CUX2: variants seen among roughly 807,000 people sequenced by gnomAD.
CUX2 encodes cut like homeobox 2.
Under a neutral mutation model 144.8 loss-of-function variants are expected in CUX2, and 40 were observed. The ratio of observed to expected loss-of-function variants is 0.28; its 90% CI spans 0.21 to 0.36. The LOEUF is 0.36. Ranked by LOEUF, CUX2 falls within the 10% of genes least tolerant of loss-of-function variation. The pLI, the probability that CUX2 is intolerant of heterozygous loss-of-function variation, is 1.00. For synonymous variants in CUX2, 827 were observed against 875.6 expected, an observed-to-expected ratio of 0.94 and a Z score of 0.98; for missense variants, 1,615 against 1,994.0, an observed-to-expected ratio of 0.81 and a Z score of 3.62.
chr12:111,324,203 A>G (rs1887667591), intron 18 of CUX2, among the ~76,000 whole-genome samples: 1 of 151,926 alleles, frequency 6.6e-6, no homozygotes, highest in African/African-American at 2.4e-5. Flanking sequence ...ACAAAAAATT[A>G]GCTGGAAATG....
At chr12:111,111,039 C>T (rs190395643) in intron 1 of CUX2, among the ~76,000 whole-genome samples, 68 of 152,240 alleles carry the variant, frequency 4.5e-4, no homozygotes, top group Non-Finnish European at 6.9e-4. Context: ...CAGTGGCTGA[C>T]GCCTGTAATC....
chr12:111,114,383 G>A (rs1481950070), intron 1 of CUX2, among the ~76,000 whole-genome samples: 2 of 151,966 alleles, frequency 1.3e-5, no homozygotes, highest in African/African-American at 4.8e-5. Flanking sequence ...TTTGCTGTCC[G>A]CATGTCTGTT....
At chr12:111,054,086 G>A (rs2136014571) in intron 1 of CUX2, among the ~76,000 whole-genome samples, 1 of 152,260 alleles carries the variant, frequency 6.6e-6, no homozygotes, top group Middle Eastern at 3.4e-3. Context: ...CCCAGGAGGT[G>A]GAGGCTGCAA....
chr12:111,097,148 C>T (rs1277044180), intron 1 of CUX2, among the ~76,000 whole-genome samples: 1 of 152,206 alleles, frequency 6.6e-6, no homozygotes, highest in Non-Finnish European at 1.5e-5. Flanking sequence ...TTCCTGTTCC[C>T]TTCTCATGCC....
intron 3 of CUX2, among the ~76,000 whole-genome samples, chr12:111,229,680 T>C (rs1882361202): frequency 1.3e-5 from 2 of 152,044 alleles, no homozygotes; most frequent in African/African-American, 2.4e-5. Context: ...GGTGGAAGGA[T>C]TGTTTGAGCT....
intron 1 of CUX2, among the ~76,000 whole-genome samples, chr12:111,097,116 G>A (rs978416229): frequency 2.0e-5 from 3 of 152,200 alleles, no homozygotes; most frequent in Admixed American, 6.5e-5. Flanking sequence ...CAGCACCCCC[G>A]AAAGTTCTGC....
chr12:111,308,197 G>A (rs1886695060), intron 12 of CUX2, 88 bp from the exon 13 acceptor site: 1 of 1,420,922 alleles, frequency 7.0e-7, no homozygotes, highest in Non-Finnish European at 9.9e-7. Flanking sequence ...CATTGTCAGG[G>A]AGGTAAGCCG....
chr12:111,065,991 G>T (rs191389220), intron 1 of CUX2, among the ~76,000 whole-genome samples: 1 of 152,238 alleles, frequency 6.6e-6, no homozygotes, highest in Non-Finnish European at 1.5e-5. Flanking sequence ...ATTCTCAGGG[G>T]AAGCTACCTT....
chr12:111,257,022 C>T (rs538477247), intron 3 of CUX2, among the ~76,000 whole-genome samples: 94 of 152,120 alleles, frequency 6.2e-4, no homozygotes, highest in Non-Finnish European at 8.2e-4. Flanking sequence ...AGGCTTGACT[C>T]GCCCCTGGCA....
chr12:111,296,358 C>T (rs1005473883), intron 7 of CUX2, 115 bp from the exon 8 acceptor site: 7 of 815,822 alleles, frequency 8.6e-6, no homozygotes, highest in South Asian at 3.4e-5. Context: ...CCTCACTACC[C>T]GAGCTCTCAT....
At chr12:111,100,344 G>A (rs1243369423) in intron 1 of CUX2, among the ~76,000 whole-genome samples, 1 of 152,130 alleles carries the variant, frequency 6.6e-6, no homozygotes, top group Non-Finnish European at 1.5e-5. Context: ...CGCGAGAGCC[G>A]TCCATGCATG....
chr12:111,188,470 G>A (rs770078792), intron 1 of CUX2, among the ~76,000 whole-genome samples: 1 of 152,086 alleles, frequency 6.6e-6, no homozygotes, highest in Admixed American at 6.6e-5. Context: ...CCGAGGGAGA[G>A]GAAGAACAGG....
chr12:111,195,840 T>A (rs1258924791), intron 1 of CUX2, among the ~76,000 whole-genome samples: 1 of 152,206 alleles, frequency 6.6e-6, no homozygotes, highest in African/African-American at 2.4e-5. Flanking sequence ...CCTCATTTCT[T>A]TTTTTTCCAG....
chr12:111,136,363 C>G (rs1875887659), intron 1 of CUX2, among the ~76,000 whole-genome samples: 1 of 151,888 alleles, frequency 6.6e-6, no homozygotes, highest in Non-Finnish European at 1.5e-5. Context: ...GATGGTGGTG[C>G]CTGGGAGAGA....
chr12:111,296,568 C>T (rs775067240), intron 8 of CUX2, 29 bp downstream of exon 8: 2 of 1,595,214 alleles, frequency 1.3e-6, no homozygotes, highest in South Asian at 2.3e-5. Flanking sequence ...GGTGTACCTC[C>T]TCCCTTGGAG....
At chr12:111,092,349 C>T (rs182280071) in intron 1 of CUX2, among the ~76,000 whole-genome samples, 1 of 152,330 alleles carries the variant, frequency 6.6e-6, no homozygotes, top group Non-Finnish European at 1.5e-5. Context: ...GCAGGAGGAG[C>T]AGAGTCTTCT....
chr12:111,347,609 C>T lies in CUX2; in HGVS notation c.3745C>T (p.Pro1249Ser), dbSNP rs1888863262. 5 of 1,613,826 alleles carry T rather than the reference C, an allele frequency of 3.1e-6. 1 individual carries two copies. The East Asian group carries it at 1.1e-4, about 36-fold the overall frequency. The change falls in exon 22 of 22, where the codon CCA (proline) becomes TCA (serine). Residue 1249 changes from proline (P) to serine (S), a missense_variant. Around this residue, in one of 12 missense-constraint regions of CUX2, gnomAD observed 298 missense variants for 330.4 expected, o/e 0.90. Transcript: ENST00000261726. ...DPSGGPGILPPGHSHPDPTPQ... is the reference protein window; with the variant it reads ...DPSGGPGILPSGHSHPDPTPQ... ...AAGCGGGGGTCCTGGAATCCTACCG[C>T]CAGGCCACTCCCACCCAGACCCCAC...
At position 111,186,091 on chromosome 12, in the gene CUX2, G is replaced by GC. The variant is rs148888598; in HGVS notation, c.64-28104dup. Among the ~76,000 whole-genome samples, 667 of 148,002 alleles carry GC rather than the reference G, an allele frequency of 4.5e-3. 4 individuals carry two copies. Among genetic ancestry groups the GC allele is most frequent in the African/African-American group, 0.016 (647 of 39,918 alleles). On this transcript the variant is annotated intron_variant, in intron 1 of 21. Transcript: ENST00000261726. The surrounding 1 kb of genome is among the most constrained non-coding windows in gnomAD (Gnocchi z 4.4). ...TCCTCCTGCCCTCTGTTCTGCCCTC[G>GC]CCCCCTTTCTGTCTCCGTCTCACTA...
At chr12:111,274,324 C>G (rs978503846) in intron 4 of CUX2, among the ~76,000 whole-genome samples, 6 of 152,182 alleles carry the variant, frequency 3.9e-5, no homozygotes, top group Non-Finnish European at 8.8e-5. Context: ...CAGCCAACCT[C>G]TCTGAGCAGC....
Sources: allele counts gnomAD v4.1 joint callset (sites outside exome capture counted in the v4.1 genomes callset), GRCh38; gene constraint gnomAD v4.1.1; regional missense constraint gnomAD v4.1.1; non-coding constraint Gnocchi (gnomAD v3.1); transcripts MANE v1.5; gene names NCBI Gene and HGNC (gene_info 2026-07-23, HGNC 2026-07-21).